The following SPATC1L variants were observed in gnomAD, a reference collection of about 807,000 sequenced individuals.
The protein encoded by SPATC1L is spermatogenesis and centriole associated 1 like.
A neutral mutation model predicts 21.2 loss-of-function variants in SPATC1L; 20 were observed. That is an observed-to-expected ratio of 0.94 (90% CI 0.66 to 1.37). The LOEUF (loss-of-function observed/expected upper bound fraction) is 1.37. Ranked by LOEUF, SPATC1L falls within the 40% of genes most tolerant of loss-of-function variation. The pLI is 0.00. For synonymous variants in SPATC1L, 290 were observed against 234.5 expected (o/e 1.24, Z -2.16); for missense variants, 499 against 478.7 (o/e 1.04, Z -0.40).
intron 2 of SPATC1L, among the ~76,000 whole-genome samples, chr21:46,178,652 C>T (rs1402523143): frequency 1.3e-5 from 2 of 152,062 alleles, no homozygotes; most frequent in African/African-American, 2.4e-5. Context: ...TTTGGGAGGC[C>T]GAGGTGGGTG....
chr21:46,172,157 C>T lies in SPATC1L; in HGVS notation c.194-3499G>A, dbSNP rs1006907392. On this transcript the variant is annotated intron_variant, in intron 2 of 4. Coordinates refer to ENST00000291672, the MANE Select transcript of SPATC1L (RefSeq NM_001142854.2). ...AGTGTGAGGTGGGGGATGCAAAGAG[C>T]GTGAGGCGGGGGATGCACAGAGCGT... Among the ~76,000 whole-genome samples the T allele has an allele frequency of 7.1e-4, 15 of 21,096 alleles. 1 individual carries two copies. The highest frequency in any genetic ancestry group is 2.2e-3 in the African/African-American group (12 of 5,402). 13.8% of individuals were successfully genotyped at this position (21,096 alleles called of 152,430 possible). A position where few individuals can be genotyped will look rare whatever the true frequency, so the allele number is the denominator to read the frequency against.
Position 46,183,567 on chromosome 21 carries a change from G to A in SPATC1L, c.-751C>T, listed in dbSNP as rs1246095705. On this transcript the variant is annotated 5_prime_UTR_variant, in exon 2 of 5. Transcript: ENST00000291672. ...CAGCCTGGGCGGGGAGATCAGCCTGGGGGAGGAGACCAGCCTGGTGAGGAG... is the reference window on the plus strand; with the variant it reads ...CAGCCTGGGCGGGGAGATCAGCCTGAGGGAGGAGACCAGCCTGGTGAGGAG... The A allele has an allele frequency of 1.8e-5, 2 of 113,256 alleles. No homozygotes were observed. Among genetic ancestry groups the A allele is most frequent in the Non-Finnish European group, 3.6e-5 (2 of 55,016 alleles). 7.0% of individuals were successfully genotyped at this position (113,256 alleles called of 1,614,324 possible).
intron 2 of SPATC1L, among the ~76,000 whole-genome samples, chr21:46,179,826 G>A (rs918903611): frequency 3.3e-5 from 5 of 152,232 alleles, no homozygotes; most frequent in Non-Finnish European, 7.3e-5. Flanking sequence ...CAGCTGGGAG[G>A]GGAGGCAGAG....
chr21:46,175,694 C>G (rs112051227), intron 2 of SPATC1L, among the ~76,000 whole-genome samples: 14,953 of 152,128 alleles, frequency 0.098, 942 homozygotes, highest in African/African-American at 0.16. Context: ...AAAGCCAGGA[C>G]CAGATGGATT....
At position 46,161,535 on chromosome 21, in the gene SPATC1L, G is replaced by A. The variant is rs138897694; in HGVS notation, c.867C>T (p.Pro289=). 2.5e-6 allele frequency: 4 copies of A among 1,610,258 alleles called. No individual in the cohort carries two copies. The highest frequency in any genetic ancestry group is 2.2e-5 in the South Asian group (2 of 90,820). Residue 289 remains proline (P), a synonymous_variant, in exon 5 of 5, where the codon CCC becomes CCT. Coordinates refer to ENST00000291672, the MANE Select transcript of SPATC1L (RefSeq NM_001142854.2). ...INTYGILKQR[P]DLRANPLHSS... ...TGTGCAGGGGGTTGGCGCGCAGGTC[G>A]GGCCGCTGCTTCAGGATTCCGTAGG... is the stretch of plus-strand genomic sequence containing the variant.
At chr21:46,177,100 T>C (rs796682796) in intron 2 of SPATC1L, among the ~76,000 whole-genome samples, 12 of 152,238 alleles carry the variant, frequency 7.9e-5, no homozygotes, top group African/African-American at 2.9e-4. Context: ...TTACACCATA[T>C]ACAAAAATCA....
chr21:46,162,123 C>T, intron 3 of SPATC1L, 56 bp from the exon 4 acceptor site: 2 of 1,489,634 alleles, frequency 1.3e-6, no homozygotes, highest in Non-Finnish European at 1.8e-6. Context: ...CCACTGCCCT[C>T]GAGGGTGCCC....
In SPATC1L at chr21:46,170,354, G is replaced by A. The variant is rs1469998606; in HGVS notation, c.194-1696C>T. On this transcript the variant is annotated intron_variant, in intron 2 of 4. Coordinates refer to ENST00000291672, the MANE Select transcript of SPATC1L (RefSeq NM_001142854.2). Reference sequence around the variant, plus strand: ...GCTCTGTGAGCATCCTCTGTGGATGGGGAGGAGCCTCCTGCTCTGTGAGCA... The same window carrying A: ...GCTCTGTGAGCATCCTCTGTGGATGAGGAGGAGCCTCCTGCTCTGTGAGCA... Among the ~76,000 whole-genome samples, 4 of 142,766 alleles carry A rather than the reference G, an allele frequency of 2.8e-5. No homozygotes were observed. The East Asian group carries it at 6.1e-4, about 22-fold the overall frequency. 93.7% of individuals were successfully genotyped at this position (142,766 alleles called of 152,430 possible).
Position 46,161,625 on chromosome 21 carries a change from C to G in SPATC1L, c.777G>C (p.Ala259=). The change falls in exon 5 of 5, where the codon GCG becomes GCC. Residue 259 remains alanine, a synonymous_variant. Coordinates refer to ENST00000291672, the MANE Select transcript of SPATC1L (RefSeq NM_001142854.2). ...GGCTGTAGCCCAGCTTCTCCAGGCG[C>G]GCGCTCAGGGCCAGGTAGCGCTGCG... is the stretch of plus-strand genomic sequence containing the variant. ...ELTQRYLALS[A]RLEKLGYSRD... is the part of the protein sequence containing the mutation. The G allele has an allele frequency of 6.2e-7, 1 of 1,610,368 alleles. No homozygotes were observed. Among genetic ancestry groups the G allele is most frequent in the Non-Finnish European group, 8.5e-7 (1 of 1,179,048 alleles).
At chr21:46,164,593 A>G (rs2079526792) in intron 3 of SPATC1L, among the ~76,000 whole-genome samples, 2 of 152,014 alleles carry the variant, frequency 1.3e-5, no homozygotes, top group Admixed American at 1.3e-4. Context: ...GGAGTTCGAG[A>G]CCAGCTTGGC....
chr21:46,175,346 T>C (rs9977373), intron 2 of SPATC1L, among the ~76,000 whole-genome samples: 38,908 of 151,918 alleles, frequency 0.26, 5,872 homozygotes, highest in African/African-American at 0.4. Context: ...CACAAAATAC[T>C]ATTCAAAACA....
At chr21:46,165,216 T>C (rs1242920556) in intron 3 of SPATC1L, among the ~76,000 whole-genome samples, 2 of 152,260 alleles carry the variant, frequency 1.3e-5, no homozygotes, top group Admixed American at 1.3e-4. Context: ...AATAGCCTTA[T>C]ATCTGATAAC....
At chr21:46,180,718 A>T (rs1216246513) in intron 2 of SPATC1L, among the ~76,000 whole-genome samples, 1 of 152,182 alleles carries the variant, frequency 6.6e-6, no homozygotes, top group Non-Finnish European at 1.5e-5. Context: ...GGTGCACCAC[A>T]CGCTGCCACT....
rs781139512 is a variant in SPATC1L at position 46,162,034 on chromosome 21, G to A, written c.578C>T (p.Ala193Val). 30 of 1,592,012 alleles carry A rather than the reference G, an allele frequency of 1.9e-5. 1 individual carries two copies. The highest frequency in any genetic ancestry group is 2.0e-5 in the Non-Finnish European group (23 of 1,171,688). Residue 193 changes from alanine (A) to valine (V), a missense_variant, in exon 4 of 5, where the codon GCG (alanine) becomes GTG (valine). By Grantham distance (64) the Ala-to-Val change is moderately conservative. Coordinates refer to ENST00000291672, the MANE Select transcript of SPATC1L (RefSeq NM_001142854.2). Reference sequence around the variant, plus strand: ...GAAGGCGATCTCGCCCACCACGCGCGCGTCCTTCTCGGCGCCCGCGAAGCT... The same window carrying A: ...GAAGGCGATCTCGCCCACCACGCGCACGTCCTTCTCGGCGCCCGCGAAGCT... ...IQSFAGAEKD[A>V]RVVGEIAFQL...
intron 2 of SPATC1L, among the ~76,000 whole-genome samples, chr21:46,175,936 G>C (rs2079629825): frequency 1.3e-5 from 2 of 152,140 alleles, no homozygotes; most frequent in Non-Finnish European, 1.5e-5. Flanking sequence ...AAATCCAGCA[G>C]CACATCAAAA....
chr21:46,180,059 G>A (rs919212207), intron 2 of SPATC1L, among the ~76,000 whole-genome samples: 2 of 151,740 alleles, frequency 1.3e-5, no homozygotes, highest in Admixed American at 6.6e-5. Flanking sequence ...CCTTTGACCC[G>A]AGGACCCAGG....
chr21:46,178,742 C>T (rs2079650505), intron 2 of SPATC1L, among the ~76,000 whole-genome samples: 1 of 152,040 alleles, frequency 6.6e-6, no homozygotes, highest in African/African-American at 2.4e-5. Flanking sequence ...CAAAAAGTAG[C>T]CAGGCATGGT....
chr21:46,162,193 T>C, intron 3 of SPATC1L, 126 bp from the exon 4 acceptor site: 1 of 1,071,220 alleles, frequency 9.3e-7, no homozygotes, highest in Non-Finnish European at 1.3e-6. Flanking sequence ...CACCCCCCAC[T>C]GTCTGGCAAA....
intron 3 of SPATC1L, among the ~76,000 whole-genome samples, chr21:46,164,926 G>A (rs1336666619): frequency 6.6e-6 from 1 of 152,020 alleles, no homozygotes; most frequent in Non-Finnish European, 1.5e-5. Context: ...AGTCCAACCT[G>A]GGCTCTGTAA....
Sources: allele counts gnomAD v4.1 joint callset (sites outside exome capture counted in the v4.1 genomes callset), GRCh38; gene constraint gnomAD v4.1.1; transcripts MANE v1.5; gene names NCBI Gene and HGNC (gene_info 2026-07-23, HGNC 2026-07-21).